Variants in CSMD1 observed in about 807,000 individuals in gnomAD.
CSMD1 encodes the protein CUB and sushi domain-containing protein 1.
In CSMD1, 213 loss-of-function variants were observed where a neutral mutation model predicts 417.5. The observed-to-expected ratio is 0.51, with a 90% CI of 0.46 to 0.57. CSMD1 has a LOEUF of 0.57. CSMD1 is among the 20% of genes least tolerant of loss of function. CSMD1 has a pLI of 0.00. For missense variants in CSMD1, 6,923 were observed against 4,529.7 expected, an observed-to-expected ratio of 1.53 and a Z score of -15.17; for synonymous variants, 2,862 against 1,736.8, an observed-to-expected ratio of 1.65 and a Z score of -16.11.
intron 2 of CSMD1, among the ~76,000 whole-genome samples, chr8:4,563,494 C>G (rs563345677): frequency 1.3e-5 from 2 of 152,162 alleles, no homozygotes; most frequent in East Asian, 1.9e-4. Context: ...GTTCAGTATT[C>G]CTGTGCCGGC....
At chr8:4,110,894 A>T (rs573686474) in intron 3 of CSMD1, among the ~76,000 whole-genome samples, 1 of 152,206 alleles carries the variant, frequency 6.6e-6, no homozygotes, top group Admixed American at 6.5e-5. Context: ...TTCTTATGTC[A>T]AAAGACATAA....
intron 3 of CSMD1, among the ~76,000 whole-genome samples, chr8:4,376,993 G>C (rs927698014): frequency 6.6e-6 from 1 of 152,182 alleles, no homozygotes; most frequent in East Asian, 1.9e-4. Context: ...GGCAGAAGCT[G>C]TGCCCCGGGA....
chr8:4,699,788 G>A lies in CSMD1; in HGVS notation c.86-62230C>T, dbSNP rs117479903. Among the ~76,000 whole-genome samples the A allele has an allele frequency of 1.1e-4, 17 of 152,332 alleles. No homozygotes were observed. The East Asian group carries it at 3.3e-3, about 29-fold the overall frequency. ...TTAGTTTGTCAGGAAAGGATATGGT[G>A]CTTGAACTCACCTAAAGAATGAACA... is the stretch of plus-strand genomic sequence containing the variant. On this transcript the variant is annotated intron_variant, in intron 1 of 69. Transcript: ENST00000635120.
chr8:3,235,329 A>C (rs183572384), intron 26 of CSMD1, among the ~76,000 whole-genome samples: 1 of 152,230 alleles, frequency 6.6e-6, no homozygotes, highest in African/African-American at 2.4e-5. Flanking sequence ...ATCAAAAGAA[A>C]AGATATATAA....
intron 2 of CSMD1, among the ~76,000 whole-genome samples, chr8:4,518,358 G>A (rs2130380651): frequency 6.6e-6 from 1 of 152,176 alleles, no homozygotes; most frequent in South Asian, 2.1e-4. Context: ...GACAATTTGT[G>A]ATTCCTTAAA....
rs571268213 is a variant in CSMD1 at position 3,761,771 on chromosome 8, G to A, written c.819-7729C>T. 5.7e-4 allele frequency among the ~76,000 whole-genome samples: 86 copies of A among 152,212 alleles called. 2 individuals carry two copies. Among genetic ancestry groups the A allele is most frequent in the Admixed American group, 5.4e-3 (83 of 15,284 alleles). ...TCCATCTGCTTAGGCCTCCTAAAGT[G>A]CTAGGATTACAGGCTTGAGCAACAA... On this transcript the variant is annotated intron_variant, in intron 5 of 69. Transcript: ENST00000635120.
At chr8:3,259,898 C>G (rs1180594146) in intron 26 of CSMD1, among the ~76,000 whole-genome samples, 2 of 152,054 alleles carry the variant, frequency 1.3e-5, no homozygotes, top group Non-Finnish European at 2.9e-5. Flanking sequence ...GAAATTCAAA[C>G]ACATCTCTGA....
At chr8:3,756,286 G>A (rs536695622) in intron 5 of CSMD1, among the ~76,000 whole-genome samples, 1 of 151,240 alleles carries the variant, frequency 6.6e-6, no homozygotes, top group Admixed American at 6.6e-5. Flanking sequence ...CTGGGAGGCA[G>A]AGCTTGCAGT....
rs769067339 is a variant in CSMD1 at position 3,188,961 on chromosome 8, C to T, written c.5449G>A (p.Gly1817Ser). ...TQRRGTILSPGYPEPYGNNLN... is the reference protein window; with the variant it reads ...TQRRGTILSPSYPEPYGNNLN... ...TTGTTTCCGTATGGCTCAGGGTAGC[C>T]GGGGGACAGGATTGTACCTCTTCGT... The change falls in exon 35 of 70, where the codon GGC becomes AGC. Residue 1817 changes from glycine (G) to serine (S), a missense_variant. Physicochemically the swap from Gly to Ser is moderately conservative, Grantham distance 56 (BLOSUM62 0). Coordinates refer to ENST00000635120, the MANE Select transcript of CSMD1 (RefSeq NM_033225.6). The T allele has an allele frequency of 3.8e-5, 62 of 1,613,102 alleles. No homozygotes were observed. The highest frequency in any genetic ancestry group is 4.3e-5 in the Non-Finnish European group (51 of 1,179,558).
At chr8:4,550,705 T>C (rs1196944493) in intron 2 of CSMD1, among the ~76,000 whole-genome samples, 1 of 152,176 alleles carries the variant, frequency 6.6e-6, no homozygotes, top group Non-Finnish European at 1.5e-5. Context: ...CCTTGTCTAT[T>C]ATCCAGTCCA....
At chr8:3,946,419 C>G (rs1811228319) in intron 5 of CSMD1, among the ~76,000 whole-genome samples, 1 of 152,130 alleles carries the variant, frequency 6.6e-6, no homozygotes. Context: ...CCCGCATCAC[C>G]TTGGCTACTT....
intron 62 of CSMD1, among the ~76,000 whole-genome samples, 180 bp downstream of exon 62, chr8:2,960,961 T>TATATATATACAC (rs1408815262): frequency 7.6e-6 from 1 of 130,858 alleles, no homozygotes; most frequent in East Asian, 2.1e-4. Context: ...TATATATATA[T>TATATATATACAC]ATATACATAT....
intron 2 of CSMD1, among the ~76,000 whole-genome samples, chr8:4,468,721 G>T (rs1457735771): frequency 2.0e-5 from 3 of 152,130 alleles, no homozygotes; most frequent in Non-Finnish European, 4.4e-5. Context: ...CAAAAACATT[G>T]CTTAGGGAGA....
At chr8:3,105,958 T>C (rs1037794692) in intron 46 of CSMD1, among the ~76,000 whole-genome samples, 28 of 152,254 alleles carry the variant, frequency 1.8e-4, no homozygotes, top group African/African-American at 6.8e-4. Flanking sequence ...AACATTTACA[T>C]GATAAATTGC....
intron 11 of CSMD1, among the ~76,000 whole-genome samples, chr8:3,479,218 G>T (rs982881002): frequency 2.0e-5 from 3 of 152,076 alleles, no homozygotes; most frequent in Non-Finnish European, 2.9e-5. Context: ...CCTAAACAAG[G>T]TACTTGCTTG....
intron 50 of CSMD1, among the ~76,000 whole-genome samples, chr8:3,043,360 T>G (rs1237821541): frequency 6.6e-6 from 1 of 152,060 alleles, no homozygotes; most frequent in Non-Finnish European, 1.5e-5. Flanking sequence ...ATATACAGAT[T>G]ATATAGTACC....
Position 3,493,003 on chromosome 8 carries a change from G to C in CSMD1, c.1448+620C>G, listed in dbSNP as rs539249310. Reference sequence around the variant, plus strand: ...GAAGCAGAGGAGAGAGGTTAAAAAAGAGGTGTTGGCTGGGTGCGGTGGTTC... The same window carrying C: ...GAAGCAGAGGAGAGAGGTTAAAAAACAGGTGTTGGCTGGGTGCGGTGGTTC... On this transcript the variant is annotated intron_variant, in intron 11 of 69. Transcript: ENST00000635120. Among the ~76,000 whole-genome samples, 26 of 152,214 alleles carry C rather than the reference G, an allele frequency of 1.7e-4. No homozygotes were observed. The South Asian group carries it at 5.4e-3, about 32-fold the overall frequency.
intron 5 of CSMD1, among the ~76,000 whole-genome samples, chr8:3,811,994 C>G (rs1003533301): frequency 4.6e-5 from 7 of 151,894 alleles, no homozygotes; most frequent in African/African-American, 1.5e-4. Flanking sequence ...TGCTTACAAC[C>G]TAATTCAAAC....
intron 3 of CSMD1, among the ~76,000 whole-genome samples, chr8:4,273,111 C>G (rs1804705785): frequency 6.6e-6 from 1 of 151,858 alleles, no homozygotes; most frequent in African/African-American, 2.4e-5. Context: ...AAATGAAAGC[C>G]AAAGAGCCAA....
Sources: allele counts gnomAD v4.1 joint callset (sites outside exome capture counted in the v4.1 genomes callset), GRCh38; gene constraint gnomAD v4.1.1; transcripts MANE v1.5; gene names NCBI Gene and HGNC (gene_info 2026-07-23, HGNC 2026-07-21).